The following MALRD1 variants were observed in gnomAD, a reference collection of about 807,000 sequenced individuals.
MALRD1 encodes MAM and LDL receptor class A domain containing 1.
MALRD1 carries 247 observed loss-of-function variants against 242.1 expected under a neutral mutation model. The ratio of observed to expected loss-of-function variants is 1.02; its 90% confidence interval spans 0.92 to 1.13. MALRD1 has a LOEUF of 1.13. MALRD1 is among the 50% of genes most tolerant of loss of function. MALRD1 has a pLI of 0.00. For missense variants in MALRD1, 2,989 were observed against 2,533.1 expected (o/e 1.18, Z -3.86); for synonymous variants, 995 against 866.6 (o/e 1.15, Z -2.60).
intron 31 of MALRD1, among the ~76,000 whole-genome samples, chr10:19,514,856 G>A (rs1368540933): frequency 6.6e-6 from 1 of 151,536 alleles, no homozygotes; most frequent in African/African-American, 2.4e-5. Context: ...AAACCTTGTT[G>A]TTTTAACATA....
chr10:19,504,616 G>GAC (rs1237898959), intron 31 of MALRD1, among the ~76,000 whole-genome samples: 14 of 143,572 alleles, frequency 9.8e-5, no homozygotes, highest in Non-Finnish European at 1.7e-4. Flanking sequence ...CTCATACACA[G>GAC]ACACACACAC....
intron 26 of MALRD1, among the ~76,000 whole-genome samples, chr10:19,372,448 A>G (rs960036275): frequency 6.6e-6 from 1 of 151,870 alleles, no homozygotes; most frequent in Non-Finnish European, 1.5e-5. Flanking sequence ...AGGATGAGAC[A>G]TAGGCCTCTT....
intron 2 of MALRD1, among the ~76,000 whole-genome samples, chr10:19,076,527 A>G (rs1411421986): frequency 6.6e-6 from 1 of 151,958 alleles, no homozygotes; most frequent in Non-Finnish European, 1.5e-5. Flanking sequence ...CAGTTGTCTG[A>G]GCACCATATA....
In MALRD1 at chr10:19,718,146, AG is replaced by A. The variant is rs377349808; in HGVS notation, c.6315-12559del. 1.5e-3 allele frequency among the ~76,000 whole-genome samples: 233 copies of A among 151,516 alleles called. 1 individual carries two copies. Among genetic ancestry groups the A allele is most frequent in the African/African-American group, 5.4e-3 (222 of 41,328 alleles). On this transcript the variant is annotated intron_variant, in intron 38 of 39. Coordinates refer to ENST00000454679, the MANE Select transcript of MALRD1 (RefSeq NM_001142308.3). ...AAGAAGAGGAAGAAGAGGAAGAGGA[AG>A]AAGAGGAAGAGGAAAAGAGGAAGAG...
chr10:19,219,235 C>T (rs1455695454), intron 18 of MALRD1, among the ~76,000 whole-genome samples: 1 of 151,972 alleles, frequency 6.6e-6, no homozygotes, highest in Non-Finnish European at 1.5e-5. Flanking sequence ...TGGAGGATCA[C>T]AATACTTTCT....
At chr10:19,190,520 C>T (rs951399369) in intron 14 of MALRD1, among the ~76,000 whole-genome samples, 2 of 151,950 alleles carry the variant, frequency 1.3e-5, no homozygotes, top group African/African-American at 4.8e-5. Context: ...AGTTGGAGGA[C>T]ACACACACCC....
chr10:19,558,226 T>C (rs368297175), intron 32 of MALRD1, among the ~76,000 whole-genome samples: 31 of 152,190 alleles, frequency 2.0e-4, no homozygotes, highest in African/African-American at 7.2e-4. Flanking sequence ...TAGTATGCTT[T>C]TTTCCCCCCT....
intron 19 of MALRD1, among the ~76,000 whole-genome samples, chr10:19,264,434 T>A (rs1839890279): frequency 6.6e-6 from 1 of 151,448 alleles, no homozygotes; most frequent in Admixed American, 6.6e-5. Context: ...CAGGCTGAAT[T>A]TTTTTTTCCT....
chr10:19,056,847 G>C (rs1160807181), intron 1 of MALRD1, among the ~76,000 whole-genome samples: 1 of 152,038 alleles, frequency 6.6e-6, no homozygotes, highest in Non-Finnish European at 1.5e-5. Flanking sequence ...ACCGTATTCT[G>C]TCTATAAGTA....
intron 24 of MALRD1, among the ~76,000 whole-genome samples, chr10:19,343,463 A>G (rs1843972890): frequency 6.6e-6 from 1 of 152,148 alleles, no homozygotes; most frequent in East Asian, 1.9e-4. Context: ...ATCTTTACAA[A>G]GATCTTCCTT....
intron 38 of MALRD1, among the ~76,000 whole-genome samples, chr10:19,701,089 C>T (rs1298142502): frequency 1.3e-5 from 2 of 152,132 alleles, no homozygotes; most frequent in African/African-American, 4.8e-5. Context: ...GTCAAGGCTG[C>T]AATGAGCTGT....
In MALRD1 at chr10:19,146,210, C is replaced by T. The variant is rs1833721689; in HGVS notation, c.1424C>T (p.Thr475Ile). 4 of 1,231,672 alleles carry T rather than the reference C, an allele frequency of 3.2e-6. No individual in the cohort carries two copies. The highest frequency in any genetic ancestry group is 4.0e-6 in the Non-Finnish European group (4 of 987,946). The allele number at this position is 1,231,672 out of a possible 1,614,324, so 76.3% of individuals were successfully genotyped here. A position where few individuals can be genotyped will look rare whatever the true frequency, so the allele number is the denominator to read the frequency against. Residue 475 changes from threonine to isoleucine, a missense_variant, in exon 11 of 40, where the codon ACC becomes ATC. Thr to Ile is a moderately conservative substitution (Grantham distance 89, BLOSUM62 -1). Transcript: ENST00000454679. ...EDPATCSKHL[T>I]CDFESGFCGW... ...CTACGTGTAACAGCAAAGCATCTCA[C>T]CTGTGACTTTGAGTCGGGTTTCTGC...
intron 26 of MALRD1, among the ~76,000 whole-genome samples, chr10:19,386,721 TACAC>T (rs10687440): frequency 6.7e-6 from 1 of 148,900 alleles, no homozygotes; most frequent in Non-Finnish European, 1.5e-5. Flanking sequence ...CATATACATA[TACAC>T]ACACACACAC....
intron 28 of MALRD1, among the ~76,000 whole-genome samples, chr10:19,423,715 G>A (rs762609830): frequency 6.6e-5 from 10 of 152,114 alleles, no homozygotes; most frequent in Non-Finnish European, 1.3e-4. Flanking sequence ...CTAGGAGGGA[G>A]GTCATGTGTT....
chr10:19,420,478 A>G (rs2130913470), intron 28 of MALRD1, among the ~76,000 whole-genome samples: 1 of 152,032 alleles, frequency 6.6e-6, no homozygotes, highest in Middle Eastern at 3.4e-3. Context: ...ATTTGTTTCC[A>G]TGGAATCACT....
intron 18 of MALRD1, among the ~76,000 whole-genome samples, chr10:19,244,830 C>A (rs1838970789): frequency 6.6e-6 from 1 of 152,266 alleles, no homozygotes; most frequent in African/African-American, 2.4e-5. Context: ...TGTATTTGGT[C>A]TCTTTATCAT....
chr10:19,171,979 AT>A (rs1181660560), intron 13 of MALRD1, among the ~76,000 whole-genome samples: 3 of 10,244 alleles, frequency 2.9e-4, no homozygotes, highest in African/African-American at 1.7e-3. Flanking sequence ...TGTGATATAT[AT>A]CATATAATAT....
chr10:19,383,526 T>A (rs1477303950), intron 26 of MALRD1, among the ~76,000 whole-genome samples: 1 of 152,134 alleles, frequency 6.6e-6, no homozygotes, highest in East Asian at 1.9e-4. Context: ...TGTATGTGTC[T>A]TTATGGTAGA....
chr10:19,123,609 A>G lies in MALRD1; in HGVS notation c.796+16A>G. On this transcript the variant is annotated intron_variant, in intron 6 of 39. Transcript: ENST00000454679. ...GAGTTGAGATGTAAGTGTTAAATTG[A>G]GATATTCACTTTTCTGGTATATATG... 3 of 1,213,298 alleles carry G rather than the reference A, an allele frequency of 2.5e-6. No homozygotes were observed. The highest frequency in any genetic ancestry group is 3.1e-6 in the Non-Finnish European group (3 of 969,420). 75.2% of individuals were successfully genotyped at this position (1,213,298 alleles called of 1,614,324 possible).
Sources: gnomAD v4.1 joint callset for allele counts (sites outside exome capture counted in the v4.1 genomes callset) on GRCh38, gnomAD v4.1.1 for gene constraint, MANE v1.5 for transcripts, NCBI Gene and HGNC (gene_info 2026-07-23, HGNC 2026-07-21) for gene names.